RBFOX1: variants seen among roughly 807,000 people sequenced by gnomAD.
RBFOX1 encodes RNA binding protein fox-1 homolog 1.
RBFOX1 carries 8 observed loss-of-function variants against 57.7 expected under a neutral mutation model. The ratio of observed to expected loss-of-function variants is 0.14; its 90% confidence interval spans 0.08 to 0.25. RBFOX1 has a LOEUF of 0.25. Among genes scored for constraint, RBFOX1 ranks in the 10% least tolerant of loss-of-function variants. The pLI is 1.00. For missense variants in RBFOX1, 611 were observed against 548.5 expected (o/e 1.11, Z -1.14); for synonymous variants, 326 against 222.4 (o/e 1.47, Z -4.15).
At chr16:5,684,073 C>G (rs1162003548) in intron 3 of RBFOX1, among the ~76,000 whole-genome samples, 2 of 151,954 alleles carry the variant, frequency 1.3e-5, no homozygotes, top group Non-Finnish European at 2.9e-5. Context: ...TTAAATTGAA[C>G]TTTATAGGTT....
At chr16:5,410,270 C>G (rs183945503) in intron 1 of RBFOX1, among the ~76,000 whole-genome samples, 3 of 151,658 alleles carry the variant, frequency 2.0e-5, no homozygotes, top group East Asian at 1.9e-4. Context: ...ACTCAGGAGG[C>G]TGAGGCAGGA....
chr16:7,297,735 C>A (rs368325538), intron 4 of RBFOX1, among the ~76,000 whole-genome samples: 1 of 152,122 alleles, frequency 6.6e-6, no homozygotes, highest in East Asian at 1.9e-4. Flanking sequence ...ATAACTGTTT[C>A]ATTTTATTGT....
chr16:6,512,397 T>C (rs914006258), intron 2 of RBFOX1, among the ~76,000 whole-genome samples: 1 of 151,508 alleles, frequency 6.6e-6, no homozygotes, highest in African/African-American at 2.4e-5. Context: ...AATTCAAGCC[T>C]CGGGTAGGAT....
Position 7,711,361 on chromosome 16 carries a change from G to C in RBFOX1, c.*616G>C, listed in dbSNP as rs867971651. The C allele has an allele frequency of 1.3e-5, 2 of 152,652 alleles. No individual in the cohort carries two copies. Among genetic ancestry groups the C allele is most frequent in the African/African-American group, 4.8e-5 (2 of 41,546 alleles). 9.5% of individuals were successfully genotyped at this position (152,652 alleles called of 1,614,324 possible). A position where few individuals can be genotyped will look rare whatever the true frequency, so the allele number is the denominator to read the frequency against. ...TAAGGGGGTGCTTCTAGTAGCACTT[G>C]TGCATCTGAGTTGAATGAAGCTGTG... On this transcript the variant is annotated 3_prime_UTR_variant, in exon 16 of 16. Transcript: ENST00000550418.
At chr16:5,379,143 AG>A in intron 1 of RBFOX1, among the ~76,000 whole-genome samples, 1 of 151,794 alleles carries the variant, frequency 6.6e-6, no homozygotes, top group Admixed American at 6.5e-5. Flanking sequence ...TCATGCCGTT[AG>A]GAGCCAGGGC....
chr16:7,011,546 C>A (rs951067965), intron 3 of RBFOX1, among the ~76,000 whole-genome samples: 8 of 152,258 alleles, frequency 5.3e-5, no homozygotes, highest in African/African-American at 1.4e-4. Context: ...CGAAGTCTTG[C>A]TTTGTCGCAC....
At chr16:5,825,336 C>G (rs967223999) in intron 3 of RBFOX1, among the ~76,000 whole-genome samples, 2 of 152,204 alleles carry the variant, frequency 1.3e-5, no homozygotes, top group African/African-American at 4.8e-5. Flanking sequence ...GGGACCTCCC[C>G]TCTCTATGCC....
intron 5 of RBFOX1, among the ~76,000 whole-genome samples, chr16:7,561,635 C>G (rs888851498): frequency 2.6e-5 from 4 of 152,130 alleles, no homozygotes; most frequent in African/African-American, 9.7e-5. Context: ...TGGAAAAACC[C>G]CAGTAGTCCT....
intron 4 of RBFOX1, among the ~76,000 whole-genome samples, chr16:7,426,271 C>T (rs1472499373): frequency 1.3e-5 from 2 of 152,128 alleles, no homozygotes; most frequent in African/African-American, 4.8e-5. Context: ...ATCCTGGCAT[C>T]GTCTCCCCGC....
At chr16:5,738,218 C>G (rs770409764) in intron 3 of RBFOX1, among the ~76,000 whole-genome samples, 10 of 152,092 alleles carry the variant, frequency 6.6e-5, no homozygotes, top group Non-Finnish European at 1.3e-4. Flanking sequence ...GAAACTTTGT[C>G]ACATGCAGAG....
intron 4 of RBFOX1, among the ~76,000 whole-genome samples, chr16:7,326,151 A>G (rs1223531606): frequency 5.9e-5 from 9 of 152,190 alleles, no homozygotes; most frequent in Admixed American, 5.9e-4. Flanking sequence ...TTATTGAGCA[A>G]CTACTCTGTG....
At chr16:5,845,316 A>G (rs924748840) in intron 3 of RBFOX1, among the ~76,000 whole-genome samples, 1 of 152,082 alleles carries the variant, frequency 6.6e-6, no homozygotes, top group Non-Finnish European at 1.5e-5. Flanking sequence ...TTCTGGACCA[A>G]TTACCCAGCA....
chr16:7,532,265 C>T lies in RBFOX1; in HGVS notation c.270+13876C>T, dbSNP rs183142270. ...GGGTTAGCAGTTATGCCGGGAGTTG[C>T]CTGGGGTTCCAGGCGGTGACATTCA... On this transcript the variant is annotated intron_variant, in intron 5 of 15. Transcript: ENST00000550418. 1.9e-3 allele frequency among the ~76,000 whole-genome samples: 292 copies of T among 151,922 alleles called. 8 individuals carry two copies. The highest frequency in any genetic ancestry group is 0.019 in the Admixed American group (288 of 15,252).
intron 3 of RBFOX1, among the ~76,000 whole-genome samples, chr16:6,999,804 G>A (rs1387532991): frequency 1.3e-5 from 2 of 152,068 alleles, no homozygotes; most frequent in Non-Finnish European, 2.9e-5. Context: ...AGGCATGTTG[G>A]CTCATGCCTG....
intron 3 of RBFOX1, among the ~76,000 whole-genome samples, chr16:6,929,771 A>C (rs1431504338): frequency 6.6e-6 from 1 of 152,156 alleles, no homozygotes; most frequent in Non-Finnish European, 1.5e-5. Flanking sequence ...GTTTCAGGGA[A>C]TATCCTGTAG....
intron 3 of RBFOX1, among the ~76,000 whole-genome samples, chr16:6,796,344 T>A (rs1287039464): frequency 6.6e-6 from 1 of 152,096 alleles, no homozygotes; most frequent in Non-Finnish European, 1.5e-5. Context: ...TGTGAGTGGG[T>A]ACACAGCCAA....
chr16:7,595,400 C>A, intron 7 of RBFOX1, 149 bp from the exon 8 acceptor site: 1 of 509,696 alleles, frequency 2.0e-6, no homozygotes, highest in Non-Finnish European at 3.4e-6. Flanking sequence ...TATTGCACAT[C>A]TCAGTACTCT....
At chr16:7,170,485 A>T (rs1451625636) in intron 4 of RBFOX1, among the ~76,000 whole-genome samples, 2 of 152,040 alleles carry the variant, frequency 1.3e-5, no homozygotes, top group African/African-American at 2.4e-5. Context: ...CGTGTTGCCC[A>T]TATTGGTCTC....
At chr16:6,110,192 CT>C (rs1226858713) in intron 1 of RBFOX1, among the ~76,000 whole-genome samples, 1 of 74,656 alleles carries the variant, frequency 1.3e-5, no homozygotes, top group Non-Finnish European at 2.8e-5. Flanking sequence ...GTATTTTCTT[CT>C]TCTTTTTTTT....
Sources: gnomAD v4.1 joint callset for allele counts (sites outside exome capture counted in the v4.1 genomes callset) on GRCh38, gnomAD v4.1.1 for gene constraint, MANE v1.5 for transcripts, NCBI Gene and HGNC (gene_info 2026-07-23, HGNC 2026-07-21) for gene names.